Variants in RIMKLB observed in about 807,000 individuals in gnomAD.
RIMKLB encodes the protein ribosomal modification protein rimK like family member B.
RIMKLB carries 7 observed loss-of-function variants against 32.0 expected under a neutral mutation model. The ratio of observed to expected loss-of-function variants is 0.22; its 90% CI spans 0.12 to 0.41. RIMKLB has a LOEUF of 0.41. Ranked by LOEUF, RIMKLB falls within the 10% of genes least tolerant of loss-of-function variation. The pLI is 1.00. For missense variants in RIMKLB, 289 were observed against 498.7 expected (o/e 0.58, Z 4.00); for synonymous variants, 172 against 185.1 (o/e 0.93, Z 0.57).
intron 1 of RIMKLB, among the ~76,000 whole-genome samples, chr12:8,705,892 T>G (rs1943832565): frequency 6.6e-6 from 1 of 152,102 alleles, no homozygotes; most frequent in Admixed American, 6.5e-5. Context: ...CCTCCTCAGT[T>G]TTTACTTTTT....
chr12:8,758,076 C>T (rs1459078519), intron 5 of RIMKLB, among the ~76,000 whole-genome samples: 1 of 151,846 alleles, frequency 6.6e-6, no homozygotes. Flanking sequence ...GGATTACAGG[C>T]GTGAGCCACT....
chr12:8,747,716 TAAAG>T (rs1948223926), intron 2 of RIMKLB, among the ~76,000 whole-genome samples: 1 of 152,054 alleles, frequency 6.6e-6, no homozygotes, highest in Non-Finnish European at 1.5e-5. Flanking sequence ...AGTAATGAAA[TAAAG>T]CTATATATAC....
At chr12:8,755,488 CAT>C (rs547782527) in intron 5 of RIMKLB, among the ~76,000 whole-genome samples, 40 of 152,254 alleles carry the variant, frequency 2.6e-4, no homozygotes, top group Non-Finnish European at 4.7e-4. Flanking sequence ...TCTTATACCT[CAT>C]ATTCAAATTG....
rs898145094 is a variant in RIMKLB at position 8,774,409 on chromosome 12, G to T, written c.*625G>T. On this transcript the variant is annotated 3_prime_UTR_variant, in exon 6 of 6. Coordinates refer to ENST00000535829, the MANE Select transcript of RIMKLB (RefSeq NM_001297776.2). The stretch of plus-strand genomic sequence containing the variant: ...TAAAGGCTTCTTAATGACAAAATTG[G>T]CATGTTTGCATGATGAAATGGAAAT... The T allele has an allele frequency of 5.1e-6, 5 of 985,450 alleles. No individual in the cohort carries two copies. Among genetic ancestry groups the T allele is most frequent in the Non-Finnish European group, 6.0e-6 (5 of 829,786 alleles). The allele number at this position is 985,450 out of a possible 1,614,324, so 61.0% of individuals were successfully genotyped here.
chr12:8,721,538 A>G (rs185951168), intron 2 of RIMKLB, among the ~76,000 whole-genome samples: 86 of 152,256 alleles, frequency 5.6e-4, no homozygotes, highest in Admixed American at 1.8e-3. Flanking sequence ...CTGTTCAGCA[A>G]TCTTCATGAG....
At chr12:8,724,478 G>T (rs540970121) in intron 2 of RIMKLB, among the ~76,000 whole-genome samples, 1 of 152,046 alleles carries the variant, frequency 6.6e-6, no homozygotes, top group Admixed American at 6.6e-5. Context: ...CCAAGTGTTC[G>T]TGTTTGTGTA....
At chr12:8,702,069 A>G (rs1943454476) in intron 1 of RIMKLB, among the ~76,000 whole-genome samples, 1 of 152,092 alleles carries the variant, frequency 6.6e-6, no homozygotes. Flanking sequence ...ATATTAAAAT[A>G]GCTATGATTT....
At chr12:8,723,425 C>G (rs1440946744) in intron 2 of RIMKLB, among the ~76,000 whole-genome samples, 1 of 152,110 alleles carries the variant, frequency 6.6e-6, no homozygotes, top group Non-Finnish European at 1.5e-5. Flanking sequence ...CAGATATGAT[C>G]AAAATGGAAG....
intron 2 of RIMKLB, among the ~76,000 whole-genome samples, chr12:8,732,101 G>C (rs1204517425): frequency 6.6e-6 from 1 of 151,948 alleles, no homozygotes; most frequent in East Asian, 1.9e-4. Flanking sequence ...ACTAGAACTA[G>C]AACTTTTATT....
chr12:8,703,427 A>G (rs1037190530), intron 1 of RIMKLB, among the ~76,000 whole-genome samples: 2 of 152,206 alleles, frequency 1.3e-5, no homozygotes, highest in African/African-American at 4.8e-5. Flanking sequence ...TTCTAGGCTC[A>G]AGCGAACCCC....
At chr12:8,736,618 G>GT (rs1947033115) in intron 2 of RIMKLB, among the ~76,000 whole-genome samples, 2 of 150,492 alleles carry the variant, frequency 1.3e-5, no homozygotes, top group African/African-American at 4.9e-5. Context: ...CTGGGTAGGA[G>GT]TATAGGTGTG....
chr12:8,745,807 G>GCCT (rs1242459962), intron 2 of RIMKLB, among the ~76,000 whole-genome samples: 1 of 148,266 alleles, frequency 6.7e-6, no homozygotes, highest in Admixed American at 6.8e-5. Flanking sequence ...TGATTCTCCT[G>GCCT]CCTCCGCCTC....
intron 2 of RIMKLB, among the ~76,000 whole-genome samples, chr12:8,722,785 C>T (rs2137118130): frequency 6.6e-6 from 1 of 152,346 alleles, no homozygotes; most frequent in South Asian, 2.1e-4. Context: ...TAAGCAGCTG[C>T]CGCTTTACCT....
intron 4 of RIMKLB, among the ~76,000 whole-genome samples, chr12:8,752,474 C>T (rs12829406): frequency 6.6e-6 from 1 of 152,006 alleles, no homozygotes; most frequent in Non-Finnish European, 1.5e-5. Context: ...ATTGCTTGAA[C>T]CCGGGAGGCG....
upstream of RIMKLB, among the ~76,000 whole-genome samples, chr12:8,680,645 CG>C: frequency 6.6e-6 from 1 of 152,186 alleles, no homozygotes; most frequent in East Asian, 1.9e-4. Context: ...AAACCCTCTC[CG>C]GGGGTTTGGA....
chr12:8,705,902 TA>T (rs1029349707), intron 1 of RIMKLB, among the ~76,000 whole-genome samples: 1 of 152,182 alleles, frequency 6.6e-6, no homozygotes, highest in African/African-American at 2.4e-5. Flanking sequence ...TTTTACTTTT[TA>T]GCAAGACCTT....
chr12:8,748,832 T>C (rs1948378369), intron 2 of RIMKLB, among the ~76,000 whole-genome samples: 1 of 151,826 alleles, frequency 6.6e-6, no homozygotes, highest in South Asian at 2.1e-4. Context: ...CCAGCCACTC[T>C]GGAGGCTGAG....
intron 1 of RIMKLB, among the ~76,000 whole-genome samples, chr12:8,701,240 G>A (rs149660654): frequency 1.5e-3 from 234 of 152,218 alleles, no homozygotes; most frequent in African/African-American, 5.4e-3. Flanking sequence ...AATTGTCTCG[G>A]AATTTTCTGC....
chr12:8,716,863 T>C (rs1944906882), intron 2 of RIMKLB, among the ~76,000 whole-genome samples: 1 of 151,046 alleles, frequency 6.6e-6, no homozygotes, highest in South Asian at 2.1e-4. Flanking sequence ...CAGTAGCTCT[T>C]TCTTTTTCAA....
Sources: allele counts gnomAD v4.1 joint callset (sites outside exome capture counted in the v4.1 genomes callset), GRCh38; gene constraint gnomAD v4.1.1; transcripts MANE v1.5; gene names NCBI Gene and HGNC (gene_info 2026-07-23, HGNC 2026-07-21).